Variants in ACCSL observed in about 807,000 individuals in gnomAD.
ACCSL encodes 1-aminocyclopropane-1-carboxylate synthase homolog (inactive) like, also known as probable inactive 1-aminocyclopropane-1-carboxylate synthase-like protein 2.
Under a neutral mutation model 61.7 loss-of-function variants are expected in ACCSL, and 55 were observed. That is an observed-to-expected ratio of 0.89 (90% CI 0.72 to 1.12). The LOEUF (loss-of-function observed/expected upper bound fraction) is 1.12. Ranked by LOEUF, ACCSL falls within the 50% of genes most tolerant of loss-of-function variation. The probability of loss-of-function intolerance (pLI) is 0.00; values close to 1 mark genes in which losing one functional copy is unlikely to be tolerated. For missense variants in ACCSL, 632 were observed against 698.0 expected, an observed-to-expected ratio of 0.91 and a Z score of 1.07; for synonymous variants, 258 against 264.3, an observed-to-expected ratio of 0.98 and a Z score of 0.23.
At chr11:43,960,056 C>T in the ACCSL span, among the ~76,000 whole-genome samples, 1 of 152,150 alleles carries the variant, frequency 6.6e-6, no homozygotes, top group South Asian at 2.1e-4. Context: ...TCTGACCTCC[C>T]TTCTGGTCTT....
chr11:44,038,595 G>A, the ACCSL span, among the ~76,000 whole-genome samples: 13 of 152,122 alleles, frequency 8.5e-5, no homozygotes, highest in Non-Finnish European at 1.5e-4. Context: ...AATGATTTGG[G>A]TTGTTAGAGG....
the ACCSL span, among the ~76,000 whole-genome samples, chr11:44,038,258 T>G: frequency 6.6e-6 from 1 of 151,028 alleles, no homozygotes; most frequent in East Asian, 1.9e-4. Context: ...GATGAGGGAG[T>G]GAGCCAAGCA....
the ACCSL span, among the ~76,000 whole-genome samples, chr11:43,958,896 C>G: frequency 2.0e-5 from 3 of 152,102 alleles, no homozygotes; most frequent in Admixed American, 6.6e-5. Context: ...ATTTGGGTTT[C>G]TCAAGTATCT....
At chr11:44,043,606 A>G (rs1163510015), upstream of ACCSL, among the ~76,000 whole-genome samples, 1 of 152,172 alleles carries the variant, frequency 6.6e-6, no homozygotes, top group African/African-American at 2.4e-5. Flanking sequence ...ATGTCTAACT[A>G]TCTAGCACTG....
At chr11:43,947,582 G>A in the ACCSL span, among the ~76,000 whole-genome samples, 1 of 152,144 alleles carries the variant, frequency 6.6e-6, no homozygotes, top group African/African-American at 2.4e-5. Context: ...AGAGGAAGGA[G>A]GTCCCTCAGG....
upstream of ACCSL, among the ~76,000 whole-genome samples, chr11:44,047,401 A>G (rs1005901306): frequency 8.5e-5 from 13 of 152,250 alleles, no homozygotes; most frequent in Non-Finnish European, 1.2e-4. Context: ...CAAACCTTTT[A>G]TGTAAAGGGC....
chr11:44,051,438 G>T, intron 4 of ACCSL, 34 bp downstream of exon 4: 3 of 1,611,834 alleles, frequency 1.9e-6, no homozygotes, highest in Non-Finnish European at 2.5e-6. Context: ...TGCCACCCTG[G>T]TGGAGGGCTA....
chr11:44,040,086 C>T, the ACCSL span, among the ~76,000 whole-genome samples: 1 of 152,240 alleles, frequency 6.6e-6, no homozygotes, highest in Non-Finnish European at 1.5e-5. Context: ...TCCAGCTCTC[C>T]TGGGTCTCCT....
the ACCSL span, among the ~76,000 whole-genome samples, chr11:44,024,441 CTGTGTG>C: frequency 0.05 from 6,571 of 131,940 alleles, 247 homozygotes; most frequent in African/African-American, 0.11. Flanking sequence ...CTCTCTCTCT[CTGTGTG>C]TGTGTGTGTG....
the ACCSL span, among the ~76,000 whole-genome samples, chr11:44,035,107 G>T: frequency 6.6e-6 from 1 of 152,014 alleles, no homozygotes; most frequent in African/African-American, 2.4e-5. Context: ...GCTTCCTGTG[G>T]GTCTTTGCCC....
chr11:43,933,347 G>C, the ACCSL span: 1 of 343,274 alleles, frequency 2.9e-6, no homozygotes, highest in Non-Finnish European at 5.8e-6. Flanking sequence ...GCCCTCCCAG[G>C]GGGCAGCCAG....
chr11:43,930,867 T>C, the ACCSL span, among the ~76,000 whole-genome samples: 1 of 152,092 alleles, frequency 6.6e-6, no homozygotes, highest in Non-Finnish European at 1.5e-5. Flanking sequence ...CATGAAACAA[T>C]ACTGTATGTA....
chr11:44,050,200 TACAGGGGTGAG>T, intron 2 of ACCSL, 79 bp downstream of exon 2: 1 of 1,207,522 alleles, frequency 8.3e-7, no homozygotes, highest in South Asian at 1.2e-5. Context: ...CTATGGTAGA[TACAGGGGTGAG>T]ACATAGGAGC....
the ACCSL span, among the ~76,000 whole-genome samples, chr11:43,936,473 A>C: frequency 6.7e-6 from 1 of 149,862 alleles, no homozygotes; most frequent in African/African-American, 2.5e-5. Context: ...ACCCAGGGGC[A>C]TTGCTTCTAC....
At chr11:43,984,578 A>G in the ACCSL span, among the ~76,000 whole-genome samples, 1,465 of 152,366 alleles carry the variant, frequency 9.6e-3, 25 homozygotes, top group African/African-American at 0.033. Flanking sequence ...GGGACCAGAC[A>G]CTGCAACCAG....
At chr11:43,981,363 C>G in the ACCSL span, among the ~76,000 whole-genome samples, 1 of 151,930 alleles carries the variant, frequency 6.6e-6, no homozygotes. Context: ...AGAGAAGGCC[C>G]CAGGCAGAGA....
the ACCSL span, among the ~76,000 whole-genome samples, chr11:43,999,026 T>G: frequency 2.6e-5 from 4 of 152,222 alleles, no homozygotes; most frequent in Non-Finnish European, 4.4e-5. Flanking sequence ...GCTTTACTAT[T>G]AGCTGTGAAA....
At chr11:44,014,847 C>T in the ACCSL span, among the ~76,000 whole-genome samples, 9,105 of 152,248 alleles carry the variant, frequency 0.06, 340 homozygotes, top group Non-Finnish European at 0.091. Context: ...AAGGTATGGG[C>T]CTGGGCCTCT....
chr11:43,962,068 G>T, the ACCSL span, among the ~76,000 whole-genome samples: 7 of 152,014 alleles, frequency 4.6e-5, no homozygotes, highest in Non-Finnish European at 1.0e-4. Context: ...CCCAGAACAT[G>T]GACACCTTCC....
Sources: gnomAD v4.1 joint callset for allele counts (sites outside exome capture counted in the v4.1 genomes callset) on GRCh38, gnomAD v4.1.1 for gene constraint, MANE v1.5 for transcripts, NCBI Gene and HGNC (gene_info 2026-07-23, HGNC 2026-07-21) for gene names.